Variants in SPDYE4 observed in about 807,000 individuals in gnomAD.
SPDYE4 encodes speedy/RINGO cell cycle regulator family member E4, also known as speedy protein E4.
A neutral mutation model predicts 37.5 loss-of-function variants in SPDYE4; 30 were observed. The observed-to-expected ratio is 0.80, with a 90% CI of 0.60 to 1.09. The LOEUF (loss-of-function observed/expected upper bound fraction) is 1.09. SPDYE4 is among the 50% of genes least tolerant of loss of function. SPDYE4 has a pLI of 0.00. For missense variants in SPDYE4, 300 were observed against 307.9 expected (o/e 0.97, Z 0.19); for synonymous variants, 131 against 120.3 (o/e 1.09, Z -0.58).
At chr17:8,749,694 T>C (rs1176381999), downstream of SPDYE4, among the ~76,000 whole-genome samples, 4 of 152,336 alleles carry the variant, frequency 2.6e-5, no homozygotes, top group Admixed American at 6.5e-5. Context: ...CCACTGTGCC[T>C]GGCCATCCCA....
intron 5 of SPDYE4, 40 bp downstream of exon 5, chr17:8,753,281 A>AGCCCCCCC: frequency 2.6e-6 from 1 of 388,116 alleles, no homozygotes; most frequent in Non-Finnish European, 3.7e-6. Context: ...AGTCCACCCC[A>AGCCCCCCC]TCCCTCCCCA....
Position 8,755,019 on chromosome 17 carries a change from G to A in SPDYE4, c.485+501C>T, listed in dbSNP as rs189542019. 3.3e-5 allele frequency among the ~76,000 whole-genome samples: 5 copies of A among 152,332 alleles called. No individual in the cohort carries two copies. In the East Asian group the frequency reaches 5.8e-4, roughly 18 times the overall value. ...AGGTTGTTCAGGTGGGCAGTGAAGG[G>A]GGGGTGGGAGCTGTGCTTTGGAAAG... On this transcript the variant is annotated intron_variant, in intron 4 of 6. Transcript: ENST00000689094.
At chr17:8,755,663 G>A in intron 3 of SPDYE4, 58 bp from the exon 4 acceptor site, 1 of 1,576,542 alleles carries the variant, frequency 6.3e-7, no homozygotes, top group Non-Finnish European at 8.7e-7. Context: ...GGAAGAGGAA[G>A]ATGGTGGAGA....
chr17:8,755,279 T>C (rs1308568240), intron 4 of SPDYE4: 49 of 423,102 alleles, frequency 1.2e-4, no homozygotes, highest in Non-Finnish European at 2.8e-5. Context: ...TGTCCACGGC[T>C]TTCCTTTCCC....
chr17:8,755,606 C>T lies in SPDYE4; in HGVS notation c.400-1G>A. 1 of 1,612,524 alleles carries T rather than the reference C, an allele frequency of 6.2e-7. No individual in the cohort carries two copies. Among genetic ancestry groups the T allele is most frequent in the South Asian group, 1.1e-5 (1 of 91,054 alleles). On this transcript the variant is annotated splice_acceptor_variant, in intron 3 of 6. Transcript: ENST00000689094. LOFTEE classifies it high-confidence loss of function. ...ACGCTATGACCATAGCCAGGAGATA[C>T]TGATGGAGAGAAGGGAGTAGAGAGA...
rs1055745398 is a variant in SPDYE4 at position 8,751,040 on chromosome 17, C to G, written c.*1242G>C. 6.6e-6 allele frequency among the ~76,000 whole-genome samples: 1 copy of G among 152,150 alleles called. No homozygotes were observed. Among genetic ancestry groups the G allele is most frequent in the East Asian group, 1.9e-4 (1 of 5,198 alleles). On this transcript the variant is annotated 3_prime_UTR_variant, in exon 7 of 7. Coordinates refer to ENST00000689094, the MANE Select transcript of SPDYE4 (RefSeq NM_001394956.1). The stretch of plus-strand genomic sequence containing the variant: ...AGTTCAATAACAAACAAACACTCAA[C>G]ATCAAATAAAAATTTATTTTTACAA...
intron 4 of SPDYE4, 44 bp downstream of exon 4, chr17:8,755,476 C>G (rs766791477): frequency 1.5e-5 from 24 of 1,594,928 alleles, no homozygotes; most frequent in African/African-American, 4.0e-5. Context: ...TCCACTGTCC[C>G]AGGGTGTTGG....
In SPDYE4 at chr17:8,753,333, C is replaced by G. The variant is rs539761927; in HGVS notation, c.642G>C (p.Glu214Asp). 3.9e-6 allele frequency: 6 copies of G among 1,549,800 alleles called. No homozygotes were observed. In the East Asian group the frequency reaches 1.4e-4, roughly 37 times the overall value. ...SMRWRTWVSPEEMEEIQAYDP... is the reference protein window; with the variant it reads ...SMRWRTWVSPDEMEEIQAYDP... ...TGGCCCCACCTACCTCCTCCATCTC[C>G]TCTGGGGAAACCCACGTCCTCCAGC... Residue 214 changes from glutamate (E) to aspartate (D), a missense_variant, in exon 5 of 7, where the codon GAG (glutamate) becomes GAC (aspartate). Glu to Asp is a conservative substitution (Grantham distance 45). Coordinates refer to ENST00000689094, the MANE Select transcript of SPDYE4 (RefSeq NM_001394956.1).
At chr17:8,752,693 C>A (rs1363460313) in intron 6 of SPDYE4, among the ~76,000 whole-genome samples, 1 of 152,106 alleles carries the variant, frequency 6.6e-6, no homozygotes, top group East Asian at 1.9e-4. Flanking sequence ...ATGCTTGGTC[C>A]TAAATGTGGT....
chr17:8,750,412 A>G (rs1258786091), downstream of SPDYE4, among the ~76,000 whole-genome samples: 1 of 151,382 alleles, frequency 6.6e-6, no homozygotes. Flanking sequence ...AAATAAATAA[A>G]ATAAAATAAA....
rs772449283 is a variant in SPDYE4, at chr17:8,753,411, G to A, written c.564C>T (p.Tyr188=). 1.2e-6 allele frequency: 2 copies of A among 1,605,352 alleles called. No individual in the cohort carries two copies. The highest frequency in any genetic ancestry group is 1.7e-6 in the Non-Finnish European group (2 of 1,175,770). Reference sequence around the variant, plus strand: ...GCTTATGGAACAAGGGTCGCTGGGAGTAGTTCTTCCCGTAGAGGAAGGAGA... The same window carrying A: ...GCTTATGGAACAAGGGTCGCTGGGAATAGTTCTTCCCGTAGAGGAAGGAGA... ...DIFSFLYGKN[Y]SQRPLFHKLR... Residue 188 remains tyrosine (Y), a synonymous_variant, in exon 5 of 7, where the codon TAC becomes TAT. Transcript: ENST00000689094.
chr17:8,756,329 C>T (rs1003353727), intron 3 of SPDYE4, 49 bp downstream of exon 3: 1 of 1,577,748 alleles, frequency 6.3e-7, no homozygotes, highest in Admixed American at 1.7e-5. Context: ...CACCCTTCCC[C>T]AGGACGTGTG....
rs935135105 is a variant in SPDYE4, at chr17:8,757,419, G to A, written c.183C>T (p.Ser61=). Residue 61 remains serine, a synonymous_variant, in exon 2 of 7, where the codon TCC becomes TCT. Transcript: ENST00000689094. ...LKRKSEWSDE[S]EEELEEELEL... is the part of the protein sequence containing the mutation. ...CCAGCTCCTCCTCCAGCTCCTCCTC[G>A]GATTCGTCTGACCATTCGCTCTTCC... 16 of 1,592,716 alleles carry A rather than the reference G, an allele frequency of 1.0e-5. No individual in the cohort carries two copies. Among genetic ancestry groups the A allele is most frequent in the Admixed American group, 5.4e-5 (3 of 55,540 alleles).
chr17:8,758,154 C>A, intron 1 of SPDYE4, 120 bp downstream of exon 1: 2 of 832,958 alleles, frequency 2.4e-6, no homozygotes, highest in Non-Finnish European at 3.7e-6. Context: ...TCCCTGGCTT[C>A]CTGAGTCCGT....
Position 8,758,512 on chromosome 17 carries a change from G to A in SPDYE4, c.-130C>T, listed in dbSNP as rs961267465. ...TAGAGGCTCGGGAGAAGTTAGGAGT[G>A]AAGAGTAGTTCTGAGAAGTTGCTGT... On this transcript the variant is annotated 5_prime_UTR_variant, in exon 1 of 7. Transcript: ENST00000689094. The A allele has an allele frequency of 1.1e-5, 9 of 850,940 alleles. 1 individual carries two copies. Among genetic ancestry groups the A allele is most frequent in the Admixed American group, 2.3e-5 (1 of 42,834 alleles). 52.7% of individuals were successfully genotyped at this position (850,940 alleles called of 1,614,324 possible). A position where few individuals can be genotyped will look rare whatever the true frequency, so the allele number is the denominator to read the frequency against.
At chr17:8,752,420 G>A (rs1181485229) in intron 6 of SPDYE4, among the ~76,000 whole-genome samples, 183 bp from the exon 7 acceptor site, 1 of 152,098 alleles carries the variant, frequency 6.6e-6, no homozygotes, top group African/African-American at 2.4e-5. Flanking sequence ...CTCACACTTT[G>A]GTGAGCTTGA....
chr17:8,758,124 C>G, intron 1 of SPDYE4, 150 bp downstream of exon 1: 2 of 667,612 alleles, frequency 3.0e-6, no homozygotes, highest in Non-Finnish European at 5.0e-6. Context: ...GGCCCCATTC[C>G]CTGCACCCTC....
chr17:8,757,238 G>A (rs2086779757), intron 2 of SPDYE4, 24 bp downstream of exon 2: 8 of 1,584,168 alleles, frequency 5.0e-6, no homozygotes, highest in Non-Finnish European at 6.9e-6. Flanking sequence ...AGGGTTGGAG[G>A]TGCTTTTTGG....
downstream of SPDYE4, among the ~76,000 whole-genome samples, chr17:8,749,774 C>T (rs1033891280): frequency 3.3e-5 from 5 of 152,186 alleles, no homozygotes; most frequent in East Asian, 1.9e-4. Flanking sequence ...ATTATAAGTT[C>T]ACCCCTGGAC....
Sources: gnomAD v4.1 joint callset for allele counts (sites outside exome capture counted in the v4.1 genomes callset) on GRCh38, gnomAD v4.1.1 for gene constraint, MANE v1.5 for transcripts, NCBI Gene and HGNC (gene_info 2026-07-23, HGNC 2026-07-21) for gene names.